Variants in FCRL3 observed in about 807,000 individuals in gnomAD.
FCRL3 encodes Fc receptor like 3.
FCRL3 carries 89 observed loss-of-function variants against 75.0 expected under a neutral mutation model. That is an observed-to-expected ratio of 1.19 (90% CI 1.00 to 1.42). FCRL3 has a LOEUF of 1.42. FCRL3 is among the 40% of genes most tolerant of loss of function. The pLI is 0.00. For synonymous variants in FCRL3, 376 were observed against 348.5 expected (o/e 1.08, Z -0.88); for missense variants, 946 against 880.0 (o/e 1.07, Z -0.95).
intron 9 of FCRL3, 97 bp downstream of exon 9, chr1:157,690,158 C>A (rs775231342): frequency 4.0e-6 from 6 of 1,510,886 alleles, no homozygotes; most frequent in Non-Finnish European, 5.4e-6. Flanking sequence ...TGTGCATGTT[C>A]AAAACCTCCT....
chr1:157,690,667 GTCT>G, intron 8 of FCRL3, 134 bp from the exon 9 acceptor site: 1 of 1,093,752 alleles, frequency 9.1e-7, no homozygotes, highest in South Asian at 1.7e-5. Flanking sequence ...CTTCAATCCT[GTCT>G]CTATCCTTTA....
In FCRL3 at chr1:157,700,682, TCTCAATCCCG is replaced by T; in HGVS notation, c.-127_-118del. 6.9e-7 allele frequency: 1 copy of T among 1,454,694 alleles called. No individual in the cohort carries two copies. The highest frequency in any genetic ancestry group is 9.1e-7 in the Non-Finnish European group (1 of 1,100,802). The allele number at this position is 1,454,694 out of a possible 1,614,324, so 90.1% of individuals were successfully genotyped here. A position where few individuals can be genotyped will look rare whatever the true frequency, so the allele number is the denominator to read the frequency against. ...GCTACCTTCCTAAATGCTGTTTGTA[TCTCAATCCCG>T]GTAGTGATACATTTTTAGAAGTTGG... is the stretch of plus-strand genomic sequence containing the variant. On this transcript the variant is annotated 5_prime_UTR_variant, in exon 1 of 15. The change abolishes the stop of an existing upstream ORF in the 5' untranslated region. Transcript: ENST00000368184.
chr1:157,685,059 G>A (rs912706832), intron 10 of FCRL3, among the ~76,000 whole-genome samples: 1 of 151,734 alleles, frequency 6.6e-6, no homozygotes, highest in African/African-American at 2.4e-5. Context: ...TAAGTCTGGG[G>A]GACAGACCAC....
In FCRL3 at chr1:157,676,948, G is replaced by GA. The variant is rs373449454; in HGVS notation, c.*1761dup. On this transcript the variant is annotated 3_prime_UTR_variant, in exon 15 of 15. Transcript: ENST00000368184. ...CCGGTTTACATATTTTCACCATAGAGAAAAAAACAGCAGAATGTATCACAT... is the reference window on the plus strand; with the variant it reads ...CCGGTTTACATATTTTCACCATAGAGAAAAAAAACAGCAGAATGTATCACAT... The GA allele has an allele frequency of 1.3e-5, 18 of 1,405,144 alleles. No individual in the cohort carries two copies. Among genetic ancestry groups the GA allele is most frequent in the Middle Eastern group, 1.9e-4 (1 of 5,148 alleles). 87.0% of individuals were successfully genotyped at this position (1,405,144 alleles called of 1,614,324 possible).
Position 157,697,412 on chromosome 1 carries a change from T to C in FCRL3, c.572A>G (p.His191Arg). ...GGAAGAGCTGGCTCTCAGCACAGGA[T>C]GTAGAAACAGCTCTAATGAAAAGAA... ...LNIQVQELFL[H>R]PVLRASSSTP... is the part of the protein sequence containing the mutation. The change falls in exon 6 of 15, where the codon CAT (histidine) becomes CGT (arginine). Residue 191 changes from histidine to arginine, a missense_variant. Coordinates refer to ENST00000368184, the MANE Select transcript of FCRL3 (RefSeq NM_052939.4). The C allele has an allele frequency of 6.5e-7, 1 of 1,542,914 alleles. No individual in the cohort carries two copies. Among genetic ancestry groups the C allele is most frequent in the Non-Finnish European group, 8.7e-7 (1 of 1,149,602 alleles).
At chr1:157,685,675 T>C (rs1358320041) in intron 10 of FCRL3, among the ~76,000 whole-genome samples, 3 of 152,258 alleles carry the variant, frequency 2.0e-5, no homozygotes, top group East Asian at 3.9e-4. Flanking sequence ...ATGTGGAACA[T>C]ATCCTAGGAT....
At chr1:157,695,696 T>G (rs1231766710) in intron 7 of FCRL3, 89 bp from the exon 8 acceptor site, 1 of 1,404,518 alleles carries the variant, frequency 7.1e-7, no homozygotes, top group Non-Finnish European at 9.6e-7. Context: ...GATATGTCCC[T>G]TGTCCCTTGA....
chr1:157,694,696 G>T (rs1185140270), intron 8 of FCRL3, among the ~76,000 whole-genome samples: 1 of 152,118 alleles, frequency 6.6e-6, no homozygotes, highest in Non-Finnish European at 1.5e-5. Flanking sequence ...AGATGCCCTG[G>T]TGCCTCTGCT....
intron 8 of FCRL3, among the ~76,000 whole-genome samples, chr1:157,690,971 A>G (rs774011713): frequency 6.6e-6 from 1 of 151,904 alleles, no homozygotes; most frequent in Non-Finnish European, 1.5e-5. Context: ...ATTTTTCTAC[A>G]TAGCATTTAG....
intron 10 of FCRL3, among the ~76,000 whole-genome samples, chr1:157,684,100 A>G (rs939084597): frequency 6.6e-6 from 1 of 152,186 alleles, no homozygotes; most frequent in Non-Finnish European, 1.5e-5. Flanking sequence ...GAGGACTTAA[A>G]AATAACAAAT....
chr1:157,695,635 G>T, intron 7 of FCRL3, 28 bp from the exon 8 acceptor site: 1 of 1,568,588 alleles, frequency 6.4e-7, no homozygotes, highest in Non-Finnish European at 8.6e-7. Flanking sequence ...GCTGTCAGAG[G>T]ATTCTGACGT....
chr1:157,690,174 C>A, intron 9 of FCRL3, 81 bp downstream of exon 9: 1 of 1,546,714 alleles, frequency 6.5e-7, no homozygotes, highest in Non-Finnish European at 8.8e-7. Flanking sequence ...CTCCTTGGTG[C>A]TAGTAGAATT....
chr1:157,678,820 G>A lies in FCRL3; in HGVS notation c.2095C>T (p.His699Tyr). 1 of 1,614,040 alleles carries A rather than the reference G, an allele frequency of 6.2e-7. No homozygotes were observed. Among genetic ancestry groups the A allele is most frequent in the Non-Finnish European group, 8.5e-7 (1 of 1,179,990 alleles). ...TVLYSELKKT[H>Y]PDDSAGEASS... ...GCCTCCCCTGCAGAGTCGTCTGGGT[G>A]TGTCTTCTTCAGTTCTGAATAGAGG... Residue 699 changes from histidine to tyrosine, a missense_variant, in exon 15 of 15, where the codon CAC becomes TAC. Coordinates refer to ENST00000368184, the MANE Select transcript of FCRL3 (RefSeq NM_052939.4).
At chr1:157,693,685 C>CTCCTTCCTTCCT in intron 8 of FCRL3, among the ~76,000 whole-genome samples, 1 of 151,424 alleles carries the variant, frequency 6.6e-6, no homozygotes, top group East Asian at 1.9e-4. Flanking sequence ...TTTTCTTTCT[C>CTCCTTCCTTCCT]TCCTTCCTTC....
intron 13 of FCRL3, among the ~76,000 whole-genome samples, chr1:157,679,881 T>TGATCAAGAA (rs1305420042): frequency 1.4e-5 from 2 of 141,660 alleles, no homozygotes; most frequent in Admixed American, 1.4e-4. Context: ...TCAGTTCATG[T>TGATCAAGAA]GATCAAGAAT....
chr1:157,678,976 G>A lies in FCRL3; in HGVS notation c.2027-3C>T. On this transcript the variant is annotated splice_polypyrimidine_tract_variant and splice_region_variant and intron_variant, in intron 13 of 14. Transcript: ENST00000368184. The stretch of plus-strand genomic sequence containing the variant: ...TTGATGCATCATTGGACAATTAGCT[G>A]TTGGGTAGGAGTAGCAAAGAAAAGT... The A allele has an allele frequency of 1.4e-5, 22 of 1,614,142 alleles. No homozygotes were observed. Among genetic ancestry groups the A allele is most frequent in the Non-Finnish European group, 1.8e-5 (21 of 1,179,998 alleles).
At chr1:157,680,567 T>C (rs535251426) in intron 13 of FCRL3, 135 bp downstream of exon 13, 2 of 683,602 alleles carry the variant, frequency 2.9e-6, no homozygotes, top group East Asian at 5.3e-5. Context: ...GGATAGATTC[T>C]ACAGCTGACA....
In FCRL3 at chr1:157,677,765, A is replaced by T. The variant is rs1316567914; in HGVS notation, c.*945T>A. 4.0e-6 allele frequency: 2 copies of T among 495,546 alleles called. No homozygotes were observed. The highest frequency in any genetic ancestry group is 5.2e-6 in the Non-Finnish European group (2 of 382,730). The allele number at this position is 495,546 out of a possible 1,614,324, so 30.7% of individuals were successfully genotyped here. On this transcript the variant is annotated 3_prime_UTR_variant, in exon 15 of 15. Transcript: ENST00000368184. ...TCTACAACAATATGGTCTTTAACTT[A>T]TAGTTAAAACTAATATAAAAACATA...
intron 12 of FCRL3, 70 bp downstream of exon 12, chr1:157,680,911 G>T (rs1338600954): frequency 5.5e-6 from 8 of 1,442,448 alleles, no homozygotes; most frequent in Non-Finnish European, 4.8e-6. Context: ...CAGGGCCATG[G>T]GCTGTCGCTC....
Sources: allele counts gnomAD v4.1 joint callset (sites outside exome capture counted in the v4.1 genomes callset), GRCh38; gene constraint gnomAD v4.1.1; transcripts MANE v1.5; gene names NCBI Gene and HGNC (gene_info 2026-07-23, HGNC 2026-07-21).